The following FHIT variants were observed in gnomAD, a reference collection of about 807,000 sequenced individuals.
FHIT encodes the protein fragile histidine triad diadenosine triphosphatase.
FHIT carries 19 observed loss-of-function variants against 17.9 expected under a neutral mutation model. The observed-to-expected ratio is 1.06, with a 90% CI of 0.74 to 1.56. FHIT has a LOEUF of 1.56. Ranked by LOEUF, FHIT falls within the 40% of genes most tolerant of loss-of-function variation. FHIT has a pLI of 0.00. For missense variants in FHIT, 248 were observed against 189.2 expected (o/e 1.31, Z -1.82); for synonymous variants, 81 against 69.7 (o/e 1.16, Z -0.81).
intron 4 of FHIT, among the ~76,000 whole-genome samples, chr3:60,606,557 T>C (rs1159386125): frequency 1.3e-5 from 2 of 152,150 alleles, no homozygotes; most frequent in Non-Finnish European, 2.9e-5. Context: ...AGCATCTTGA[T>C]TCACTTTTAG....
At chr3:60,652,506 G>C (rs1553688534) in intron 4 of FHIT, among the ~76,000 whole-genome samples, 1 of 152,084 alleles carries the variant, frequency 6.6e-6, no homozygotes, top group East Asian at 1.9e-4. Flanking sequence ...GGCCCAGGAG[G>C]GCGGATCATG....
intron 5 of FHIT, among the ~76,000 whole-genome samples, chr3:60,434,913 G>T (rs2030072438): frequency 6.6e-6 from 1 of 152,100 alleles, no homozygotes; most frequent in East Asian, 1.9e-4. Flanking sequence ...AACATTCATA[G>T]TTAAACCAAA....
intron 3 of FHIT, among the ~76,000 whole-genome samples, chr3:60,937,387 A>G (rs1708234284): frequency 1.3e-5 from 2 of 152,182 alleles, no homozygotes; most frequent in African/African-American, 4.8e-5. Flanking sequence ...ACAATCATTT[A>G]GATTCGTGCT....
At chr3:60,927,180 T>G (rs1707669042) in intron 3 of FHIT, among the ~76,000 whole-genome samples, 1 of 152,186 alleles carries the variant, frequency 6.6e-6, no homozygotes, top group Admixed American at 6.5e-5. Flanking sequence ...TTGTATTTTT[T>G]GGTGGAGACG....
At chr3:59,796,888 A>C (rs1325640715) in intron 8 of FHIT, among the ~76,000 whole-genome samples, 3 of 152,226 alleles carry the variant, frequency 2.0e-5, no homozygotes, top group Non-Finnish European at 4.4e-5. Flanking sequence ...ATAGAAGCCC[A>C]AAATCAATAA....
chr3:60,208,846 A>G (rs1703319611), intron 5 of FHIT, among the ~76,000 whole-genome samples: 1 of 152,168 alleles, frequency 6.6e-6, no homozygotes, highest in African/African-American at 2.4e-5. Flanking sequence ...CTAAGTTTCC[A>G]TGACTACCTG....
At chr3:60,643,520 T>C (rs1332068646) in intron 4 of FHIT, among the ~76,000 whole-genome samples, 1 of 152,142 alleles carries the variant, frequency 6.6e-6, no homozygotes, top group Non-Finnish European at 1.5e-5. Context: ...CAGAGTGATC[T>C]TAACTGTACC....
intron 5 of FHIT, among the ~76,000 whole-genome samples, chr3:60,472,368 TA>T (rs2033131582): frequency 7.7e-6 from 1 of 130,650 alleles, no homozygotes; most frequent in Non-Finnish European, 1.6e-5. Context: ...TACAATGCTG[TA>T]TTTTTTTTTT....
intron 5 of FHIT, among the ~76,000 whole-genome samples, chr3:60,056,234 G>C (rs139924370): frequency 3.1e-3 from 465 of 152,252 alleles, no homozygotes; most frequent in African/African-American, 0.011. Flanking sequence ...GACACACAGA[G>C]GGAATGGATT....
chr3:61,142,904 A>T (rs967072350), intron 2 of FHIT, among the ~76,000 whole-genome samples: 1 of 152,174 alleles, frequency 6.6e-6, no homozygotes, highest in Non-Finnish European at 1.5e-5. Context: ...AAAAAGGTAG[A>T]CTTAAAGCTT....
chr3:59,882,789 G>C (rs1315765237), intron 8 of FHIT, among the ~76,000 whole-genome samples: 1 of 152,142 alleles, frequency 6.6e-6, no homozygotes, highest in Non-Finnish European at 1.5e-5. Flanking sequence ...TCCTATATCA[G>C]CCTTGGTTTT....
intron 3 of FHIT, among the ~76,000 whole-genome samples, chr3:61,030,551 T>C (rs1306724833): frequency 6.6e-6 from 1 of 152,204 alleles, no homozygotes; most frequent in Non-Finnish European, 1.5e-5. Flanking sequence ...GAAACTTCTA[T>C]TGGACACATC....
Position 61,000,861 on chromosome 3 carries a change from AC to A in FHIT, c.-111+41185del, listed in dbSNP as rs1428904961. Among the ~76,000 whole-genome samples, 4 of 152,278 alleles carry A rather than the reference AC, an allele frequency of 2.6e-5. No individual in the cohort carries two copies. In the East Asian group the frequency reaches 7.7e-4, roughly 29 times the overall value. The stretch of plus-strand genomic sequence containing the variant: ...AAGCCCCAGCCCCAGCCCCTACTCT[AC>A]CACTAGGGCAGCGATGGGCAGTGAG... On this transcript the variant is annotated intron_variant, in intron 3 of 9. Coordinates refer to ENST00000492590, the MANE Select transcript of FHIT (RefSeq NM_002012.4).
At chr3:59,985,391 G>T (rs924684565) in intron 7 of FHIT, among the ~76,000 whole-genome samples, 8 of 152,228 alleles carry the variant, frequency 5.3e-5, no homozygotes, top group African/African-American at 1.7e-4. Context: ...ATTATCAGGT[G>T]TTGCTTTCAA....
intron 5 of FHIT, among the ~76,000 whole-genome samples, chr3:60,523,380 T>G (rs546943385): frequency 1.1e-4 from 16 of 152,292 alleles, no homozygotes; most frequent in African/African-American, 3.8e-4. Flanking sequence ...CCTTAAATCA[T>G]GTTTTAAAAA....
chr3:60,337,290 G>A (rs1710292083), intron 5 of FHIT, among the ~76,000 whole-genome samples: 1 of 152,004 alleles, frequency 6.6e-6, no homozygotes, highest in African/African-American at 2.4e-5. Flanking sequence ...CTATCAGGGA[G>A]TTAAAACAGT....
intron 3 of FHIT, among the ~76,000 whole-genome samples, chr3:60,901,592 T>C (rs1178985327): frequency 2.6e-5 from 4 of 152,232 alleles, no homozygotes; most frequent in African/African-American, 9.6e-5. Flanking sequence ...TTCTAAATCA[T>C]GGTGCTGCAA....
intron 5 of FHIT, among the ~76,000 whole-genome samples, chr3:60,360,829 G>T (rs539342646): frequency 5.9e-5 from 9 of 152,156 alleles, no homozygotes; most frequent in Non-Finnish European, 1.0e-4. Context: ...ACTGATAGCT[G>T]CCTCAACTTC....
At chr3:61,193,668 T>C (rs1304515352) in intron 2 of FHIT, among the ~76,000 whole-genome samples, 1 of 152,204 alleles carries the variant, frequency 6.6e-6, no homozygotes. Context: ...AAAACAATTT[T>C]TCAGAATGAA....
Sources: gnomAD v4.1 joint callset for allele counts (sites outside exome capture counted in the v4.1 genomes callset) on GRCh38, gnomAD v4.1.1 for gene constraint, MANE v1.5 for transcripts, NCBI Gene and HGNC (gene_info 2026-07-23, HGNC 2026-07-21) for gene names.